The following PPP1R9A variants were observed in gnomAD, a reference collection of about 807,000 sequenced individuals.
PPP1R9A encodes the protein neurabin-1.
A neutral mutation model predicts 141.9 loss-of-function variants in PPP1R9A; 59 were observed. The observed-to-expected ratio is 0.42, with a 90% CI of 0.34 to 0.52. The LOEUF (loss-of-function observed/expected upper bound fraction) is 0.52. PPP1R9A is among the 20% of genes least tolerant of loss of function. The pLI, the probability that PPP1R9A is intolerant of heterozygous loss-of-function variation, is 0.10. For synonymous variants in PPP1R9A, 500 were observed against 569.7 expected (o/e 0.88, Z 1.74); for missense variants, 1,444 against 1,611.9 (o/e 0.90, Z 1.78).
intron 2 of PPP1R9A, among the ~76,000 whole-genome samples, chr7:94,986,546 T>G (rs1800861069): frequency 6.6e-6 from 1 of 152,200 alleles, no homozygotes. Context: ...TCCAGTGTTG[T>G]ACAGCAATGT....
chr7:95,043,888 T>TCG (rs964306828), intron 2 of PPP1R9A, among the ~76,000 whole-genome samples: 3 of 152,228 alleles, frequency 2.0e-5, no homozygotes, highest in Non-Finnish European at 4.4e-5. Flanking sequence ...TGTTTTGTAC[T>TCG]CTGATTCTTC....
In PPP1R9A at chr7:94,910,603, G is replaced by A. The variant is rs749553027; in HGVS notation, c.490G>A (p.Glu164Lys). ...GAACAACCGCTATTCCCCAAAGAAA[G>A]AGAAAGCTGGAGGGAGTGAACCTCA... Reference protein sequence around the residue: ...GQNNRYSPKKEKAGGSEPQDE... With the variant: ...GQNNRYSPKKKKAGGSEPQDE... Residue 164 changes from glutamate to lysine, a missense_variant, in exon 2 of 20, where the codon GAG (glutamate) becomes AAG (lysine). Physicochemically the swap from Glu to Lys is moderately conservative, Grantham distance 56. This residue lies in a region of PPP1R9A where 490 missense variants were observed against 521.1 expected (regional missense o/e 0.94). Transcript: ENST00000433360. This position sits in a 1 kb window ranked among gnomAD's most constrained non-coding sequence, Gnocchi z 4.5. 9 of 1,614,070 alleles carry A rather than the reference G, an allele frequency of 5.6e-6. No homozygotes were observed. Among genetic ancestry groups the A allele is most frequent in the Admixed American group, 3.3e-5 (2 of 60,006 alleles).
chr7:95,254,214 A>G (rs1473614554), intron 12 of PPP1R9A, among the ~76,000 whole-genome samples: 2 of 152,194 alleles, frequency 1.3e-5, no homozygotes, highest in African/African-American at 4.8e-5. Context: ...GTCATCTCAG[A>G]CATTAGTAGC....
chr7:95,266,087 C>G (rs1486460362), intron 12 of PPP1R9A, among the ~76,000 whole-genome samples: 1 of 152,104 alleles, frequency 6.6e-6, no homozygotes, highest in African/African-American at 2.4e-5. Flanking sequence ...CTGATTTTCT[C>G]TCACTTATAT....
intron 2 of PPP1R9A, among the ~76,000 whole-genome samples, chr7:94,957,061 C>G (rs1797148464): frequency 6.6e-6 from 1 of 152,164 alleles, no homozygotes; most frequent in African/African-American, 2.4e-5. Flanking sequence ...GCAGAGTTCT[C>G]TGCCATAATT....
At chr7:95,213,708 C>T (rs536238047) in intron 7 of PPP1R9A, among the ~76,000 whole-genome samples, 1 of 152,134 alleles carries the variant, frequency 6.6e-6, no homozygotes, top group African/African-American at 2.4e-5. Context: ...CATTTCTTAA[C>T]TGTAGACTTA....
chr7:94,915,546 A>G (rs765907889), intron 2 of PPP1R9A, among the ~76,000 whole-genome samples: 17 of 152,336 alleles, frequency 1.1e-4, no homozygotes, highest in Middle Eastern at 6.8e-3. Context: ...AGGTTATGGA[A>G]TAGAAGACTC....
chr7:95,167,668 A>G (rs1057177616), intron 5 of PPP1R9A, among the ~76,000 whole-genome samples: 1 of 152,158 alleles, frequency 6.6e-6, no homozygotes, highest in African/African-American at 2.4e-5. Flanking sequence ...CCACGAGAAA[A>G]CTCTTAGATC....
At chr7:95,128,525 C>T (rs138045817) in intron 4 of PPP1R9A, among the ~76,000 whole-genome samples, 369 of 152,010 alleles carry the variant, frequency 2.4e-3, no homozygotes, top group South Asian at 7.1e-3. Context: ...TAATTAGGTC[C>T]CACTCATCAA....
intron 7 of PPP1R9A, among the ~76,000 whole-genome samples, chr7:95,214,629 A>G (rs1388702770): frequency 1.3e-5 from 2 of 152,270 alleles, no homozygotes; most frequent in East Asian, 3.9e-4. Context: ...ATACAAGGGC[A>G]TGAACACCCA....
chr7:94,998,347 C>T (rs1028813466), intron 2 of PPP1R9A, among the ~76,000 whole-genome samples: 1 of 152,178 alleles, frequency 6.6e-6, no homozygotes, highest in South Asian at 2.1e-4. Context: ...CTATTTACCC[C>T]TCTCATTTTA....
chr7:95,047,710 T>C (rs1584432612), intron 2 of PPP1R9A, among the ~76,000 whole-genome samples: 1 of 152,172 alleles, frequency 6.6e-6, no homozygotes, highest in South Asian at 2.1e-4. Context: ...TTGCCAGTTA[T>C]AGAGAGTGAT....
intron 5 of PPP1R9A, among the ~76,000 whole-genome samples, chr7:95,166,439 T>C (rs1286764070): frequency 6.6e-6 from 1 of 152,174 alleles, no homozygotes; most frequent in South Asian, 2.1e-4. Flanking sequence ...GATACATATA[T>C]GTAGCCTACC....
chr7:95,227,404 T>A (rs1795291736), intron 8 of PPP1R9A, among the ~76,000 whole-genome samples: 1 of 152,174 alleles, frequency 6.6e-6, no homozygotes. Flanking sequence ...TATGGAAAGT[T>A]ATATCTTCCA....
intron 7 of PPP1R9A, among the ~76,000 whole-genome samples, chr7:95,205,304 G>A (rs1167249685): frequency 6.6e-6 from 1 of 152,134 alleles, no homozygotes; most frequent in Non-Finnish European, 1.5e-5. Context: ...TCATGAGCTA[G>A]ATACGAAATA....
At chr7:95,174,822 C>G in intron 5 of PPP1R9A, 1 of 152,102 alleles carries the variant, frequency 6.6e-6, no homozygotes, top group East Asian at 1.9e-4. Flanking sequence ...ACTCATGTTT[C>G]TTGAGTCTAC....
At chr7:94,998,953 A>G (rs2151496657) in intron 2 of PPP1R9A, among the ~76,000 whole-genome samples, 1 of 152,268 alleles carries the variant, frequency 6.6e-6, no homozygotes, top group South Asian at 2.1e-4. Flanking sequence ...ACAGGGTCTC[A>G]CCATGCTGCC....
rs140907991 is a variant in PPP1R9A, at chr7:95,111,188, T to C, written c.1396-71T>C. 94 of 1,414,608 alleles carry C rather than the reference T, an allele frequency of 6.6e-5. 1 individual carries two copies. The African/African-American group carries it at 1.2e-3, about 17-fold the overall frequency. The allele number at this position is 1,414,608 out of a possible 1,614,324, so 87.6% of individuals were successfully genotyped here. On this transcript the variant is annotated intron_variant, in intron 2 of 19. Transcript: ENST00000433360. ...AATTCATCACATGAATGTTTAAACTTACATAGTTTTGGATACCTGGCAGGT... is the reference window on the plus strand; with the variant it reads ...AATTCATCACATGAATGTTTAAACTCACATAGTTTTGGATACCTGGCAGGT...
At chr7:95,228,283 A>G (rs904767580) in intron 8 of PPP1R9A, among the ~76,000 whole-genome samples, 26 of 152,198 alleles carry the variant, frequency 1.7e-4, no homozygotes, top group African/African-American at 6.3e-4. Context: ...TTTGCTTATT[A>G]TCATGTCCTC....
Sources: gnomAD v4.1 joint callset for allele counts (sites outside exome capture counted in the v4.1 genomes callset) on GRCh38, gnomAD v4.1.1 for gene constraint, gnomAD v4.1.1 regional missense constraint, Gnocchi (gnomAD v3.1) non-coding constraint, MANE v1.5 for transcripts, NCBI Gene and HGNC (gene_info 2026-07-23, HGNC 2026-07-21) for gene names.